ZNF385D: variants seen among roughly 807,000 people sequenced by gnomAD.
ZNF385D encodes the protein zinc finger protein 659.
ZNF385D carries 15 observed loss-of-function variants against 35.8 expected under a neutral mutation model. The ratio of observed to expected loss-of-function variants is 0.42; its 90% CI spans 0.28 to 0.64. ZNF385D has a LOEUF of 0.64. Among genes scored for constraint, ZNF385D ranks in the 30% least tolerant of loss-of-function variants. The pLI is 0.23. For missense variants in ZNF385D, 474 were observed against 494.6 expected (o/e 0.96, Z 0.39); for synonymous variants, 212 against 186.8 (o/e 1.13, Z -1.10).
chr3:21,810,393 G>C (rs903696544), intron 3 of ZNF385D, among the ~76,000 whole-genome samples: 1 of 151,966 alleles, frequency 6.6e-6, no homozygotes, highest in Non-Finnish European at 1.5e-5. Context: ...GGCTGGGGGA[G>C]GGATAGCATT....
At chr3:21,766,714 G>C (rs62236242) in intron 3 of ZNF385D, among the ~76,000 whole-genome samples, 43,851 of 151,806 alleles carry the variant, frequency 0.29, 7,094 homozygotes, top group East Asian at 0.41. Context: ...ATAGCTGAAA[G>C]TGAAAAGAAG....
intron 1 of ZNF385D, among the ~76,000 whole-genome samples, chr3:21,742,780 C>T (rs2069580629): frequency 6.6e-6 from 1 of 152,106 alleles, no homozygotes; most frequent in Non-Finnish European, 1.5e-5. Context: ...CTCACCATTC[C>T]CCATGTGGCT....
At chr3:22,138,969 A>C (rs10084665) in intron 3 of ZNF385D, among the ~76,000 whole-genome samples, 3,266 of 152,296 alleles carry the variant, frequency 0.021, 119 homozygotes, top group African/African-American at 0.075. Context: ...ACAAATTTAC[A>C]AGAAAAAAAC....
At chr3:21,627,049 G>T (rs2065153236) in intron 2 of ZNF385D, among the ~76,000 whole-genome samples, 1 of 151,082 alleles carries the variant, frequency 6.6e-6, no homozygotes. Context: ...AATTTAGGGA[G>T]GTGTTTTTTT....
chr3:21,791,136 A>T (rs541001027), intron 3 of ZNF385D, among the ~76,000 whole-genome samples: 23 of 152,202 alleles, frequency 1.5e-4, no homozygotes, highest in Non-Finnish European at 2.9e-4. Flanking sequence ...ATAAAGGTCA[A>T]TGCAGCATTT....
intron 3 of ZNF385D, among the ~76,000 whole-genome samples, chr3:21,553,429 T>C (rs1359534647): frequency 6.6e-6 from 1 of 152,190 alleles, no homozygotes; most frequent in African/African-American, 2.4e-5. Context: ...TTTTAAAATA[T>C]GCTATTGCTG....
intron 3 of ZNF385D, among the ~76,000 whole-genome samples, chr3:21,907,439 T>G (rs543130104): frequency 1.3e-5 from 2 of 152,148 alleles, no homozygotes. Flanking sequence ...TTTCTCACAT[T>G]ATTTTAATAG....
intron 2 of ZNF385D, among the ~76,000 whole-genome samples, chr3:21,626,840 A>G (rs2065147422): frequency 6.6e-6 from 1 of 152,064 alleles, no homozygotes; most frequent in Non-Finnish European, 1.5e-5. Flanking sequence ...GTTAGAATTT[A>G]TAAGTAGGCA....
intron 3 of ZNF385D, among the ~76,000 whole-genome samples, chr3:21,995,581 G>C (rs924696755): frequency 3.9e-5 from 6 of 151,926 alleles, no homozygotes; most frequent in African/African-American, 1.5e-4. Context: ...GTGATGAGTG[G>C]GCAGGTCTTT....
intron 2 of ZNF385D, among the ~76,000 whole-genome samples, chr3:22,245,275 T>A (rs2125320305): frequency 6.6e-6 from 1 of 152,212 alleles, no homozygotes; most frequent in South Asian, 2.1e-4. Flanking sequence ...CCACATTGAT[T>A]TATTTCACCA....
intron 2 of ZNF385D, among the ~76,000 whole-genome samples, chr3:22,281,814 T>C (rs1051034738): frequency 1.3e-5 from 2 of 152,124 alleles, no homozygotes; most frequent in African/African-American, 4.8e-5. Context: ...TCAATAGGAT[T>C]GGTACCAATT....
intron 4 of ZNF385D, among the ~76,000 whole-genome samples, chr3:21,445,684 A>C (rs552678095): frequency 2.8e-4 from 43 of 152,244 alleles, no homozygotes; most frequent in African/African-American, 1.0e-3. Flanking sequence ...ACATAACTAG[A>C]ACAGTGTCTG....
intron 3 of ZNF385D, among the ~76,000 whole-genome samples, chr3:21,959,792 G>C (rs1204481191): frequency 6.6e-6 from 1 of 152,134 alleles, no homozygotes; most frequent in Admixed American, 6.6e-5. Flanking sequence ...TAGAGAATCT[G>C]ACCTAGAAAG....
chr3:22,356,750 G>C (rs1019763184), intron 2 of ZNF385D, among the ~76,000 whole-genome samples: 1 of 151,868 alleles, frequency 6.6e-6, no homozygotes, highest in African/African-American at 2.4e-5. Flanking sequence ...TCTGAGTTTA[G>C]TCAATGCAAA....
chr3:21,757,120 C>CTCTTTTTTTTTTTTTTT (rs1194556367), intron 3 of ZNF385D, among the ~76,000 whole-genome samples: 1 of 106,408 alleles, frequency 9.4e-6, no homozygotes. Context: ...ATAAATTTCT[C>CTCTTTTTTTTTTTTTTT]TTTTTTTTTT....
intron 3 of ZNF385D, among the ~76,000 whole-genome samples, chr3:21,928,303 A>T: frequency 7.5e-6 from 1 of 134,208 alleles, no homozygotes; most frequent in African/African-American, 2.7e-5. Flanking sequence ...GGAGGGAGGA[A>T]GGAAGGTAGG....
intron 1 of ZNF385D, among the ~76,000 whole-genome samples, chr3:21,727,475 A>C (rs2068815360): frequency 6.6e-6 from 1 of 152,228 alleles, no homozygotes; most frequent in Non-Finnish European, 1.5e-5. Flanking sequence ...ACAAATTTAC[A>C]AGAAAAAAAC....
intron 3 of ZNF385D, among the ~76,000 whole-genome samples, chr3:21,554,037 T>A (rs937920982): frequency 1.3e-5 from 2 of 152,242 alleles, no homozygotes; most frequent in African/African-American, 4.8e-5. Flanking sequence ...AATGTGGATA[T>A]TTTGACTTCC....
At chr3:22,134,097 T>C (rs1476254157) in intron 3 of ZNF385D, 1 of 152,114 alleles carries the variant, frequency 6.6e-6, no homozygotes, top group Non-Finnish European at 1.5e-5. Context: ...AATAATTTCA[T>C]ACAATATAAA....
Sources: allele counts gnomAD v4.1 joint callset (sites outside exome capture counted in the v4.1 genomes callset), GRCh38; gene constraint gnomAD v4.1.1; transcripts MANE v1.5; gene names NCBI Gene and HGNC (gene_info 2026-07-23, HGNC 2026-07-21).